DLGAP2: variants seen among roughly 807,000 people sequenced by gnomAD.
DLGAP2 encodes the protein DLG associated protein 2.
A neutral mutation model predicts 100.3 loss-of-function variants in DLGAP2; 26 were observed. The ratio of observed to expected loss-of-function variants is 0.26; its 90% CI spans 0.19 to 0.36. The LOEUF is 0.36. DLGAP2 is among the 10% of genes least tolerant of loss of function. DLGAP2 has a pLI of 1.00. For synonymous variants in DLGAP2, 886 were observed against 630.1 expected, an observed-to-expected ratio of 1.41 and a Z score of -6.08; for missense variants, 1,858 against 1,453.2, an observed-to-expected ratio of 1.28 and a Z score of -4.53.
chr8:799,120 T>G (rs1255859265), intron 1 of DLGAP2, among the ~76,000 whole-genome samples: 1 of 152,204 alleles, frequency 6.6e-6, no homozygotes, highest in Non-Finnish European at 1.5e-5. Flanking sequence ...TGACTTCTTT[T>G]GGATGAAGCC....
chr8:801,652 C>G (rs1796154082), intron 1 of DLGAP2, among the ~76,000 whole-genome samples: 1 of 152,150 alleles, frequency 6.6e-6, no homozygotes, highest in Non-Finnish European at 1.5e-5. Flanking sequence ...GAAACACCTG[C>G]TTCTCCTGTG....
chr8:1,091,658 G>T (rs549279187), intron 2 of DLGAP2, among the ~76,000 whole-genome samples: 1 of 152,110 alleles, frequency 6.6e-6, no homozygotes, highest in Non-Finnish European at 1.5e-5. Flanking sequence ...TCATGATGCC[G>T]GATGCTATGG....
intron 10 of DLGAP2, among the ~76,000 whole-genome samples, chr8:1,675,764 C>T (rs1283558942): frequency 1.3e-5 from 2 of 151,906 alleles, no homozygotes; most frequent in African/African-American, 2.4e-5. Flanking sequence ...GACTGAGTGC[C>T]TGGAATCATA....
intron 1 of DLGAP2, among the ~76,000 whole-genome samples, chr8:783,919 G>A (rs962325505): frequency 2.6e-5 from 4 of 152,186 alleles, no homozygotes; most frequent in Non-Finnish European, 5.9e-5. Flanking sequence ...GGATATCATA[G>A]CGTTATCGGC....
At chr8:1,592,486 CT>C (rs1796321999) in intron 6 of DLGAP2, among the ~76,000 whole-genome samples, 1 of 152,022 alleles carries the variant, frequency 6.6e-6, no homozygotes. Flanking sequence ...CATTTGCCCC[CT>C]GAAGCTCTGG....
At chr8:915,525 C>T (rs534435756) in intron 2 of DLGAP2, among the ~76,000 whole-genome samples, 51 of 148,700 alleles carry the variant, frequency 3.4e-4, no homozygotes, top group African/African-American at 1.1e-3. Context: ...CCAGCCTGGG[C>T]GACAGAGCAA....
chr8:772,825 C>G (rs1313691114), intron 1 of DLGAP2, among the ~76,000 whole-genome samples: 1 of 152,192 alleles, frequency 6.6e-6, no homozygotes, highest in Non-Finnish European at 1.5e-5. Flanking sequence ...CTGCAAATCA[C>G]TTCTTCCGCT....
intron 12 of DLGAP2, among the ~76,000 whole-genome samples, chr8:1,683,677 T>C (rs1035687342): frequency 2.0e-5 from 3 of 148,704 alleles, no homozygotes; most frequent in African/African-American, 7.5e-5. Context: ...GCGAACAGGA[T>C]GCCACACTCC....
At chr8:1,257,004 C>T (rs1353748627) in intron 2 of DLGAP2, among the ~76,000 whole-genome samples, 1 of 152,116 alleles carries the variant, frequency 6.6e-6, no homozygotes, top group Non-Finnish European at 1.5e-5. Flanking sequence ...CGTCCGATGG[C>T]TTCTACTTCA....
At chr8:1,302,243 G>A (rs1260039307) in intron 3 of DLGAP2, 2 of 148,780 alleles carry the variant, frequency 1.3e-5, no homozygotes, top group East Asian at 2.0e-4. Flanking sequence ...ACCTGGGACC[G>A]GACTCAGCAT....
chr8:1,701,444 T>G lies in DLGAP2; in HGVS notation c.*38T>G. On this transcript the variant is annotated 3_prime_UTR_variant, in exon 15 of 15. Transcript: ENST00000637795. The stretch of plus-strand genomic sequence containing the variant: ...GCGCCTTCCCCTCGTCGCTTCCGCT[T>G]TCCCGGACGCTTGTGCAGCGCGGCG... 6.5e-7 allele frequency: 1 copy of G among 1,542,194 alleles called. No individual in the cohort carries two copies. The highest frequency in any genetic ancestry group is 8.7e-7 in the Non-Finnish European group (1 of 1,143,906).
At chr8:779,366 C>G (rs768571568) in intron 1 of DLGAP2, among the ~76,000 whole-genome samples, 1 of 152,192 alleles carries the variant, frequency 6.6e-6, no homozygotes, top group African/African-American at 2.4e-5. Context: ...GGCTCCTCCC[C>G]TGTGAATCAC....
intron 2 of DLGAP2, among the ~76,000 whole-genome samples, chr8:1,097,378 C>T (rs1175266156): frequency 7.6e-6 from 1 of 131,326 alleles, no homozygotes; most frequent in African/African-American, 3.0e-5. Flanking sequence ...TAGAGTGGAG[C>T]TGGGAGCCCG....
intron 2 of DLGAP2, among the ~76,000 whole-genome samples, chr8:1,232,632 TG>T (rs1563268135): frequency 6.6e-6 from 1 of 152,264 alleles, no homozygotes; most frequent in Non-Finnish European, 1.5e-5. Context: ...ATCCACAAGA[TG>T]CTTTCATGTA....
At chr8:985,008 C>G (rs1276091174) in intron 2 of DLGAP2, among the ~76,000 whole-genome samples, 1 of 152,212 alleles carries the variant, frequency 6.6e-6, no homozygotes, top group Non-Finnish European at 1.5e-5. Context: ...TGAAATGTCT[C>G]AGGCATACTT....
chr8:1,232,821 CT>C (rs1265926618), intron 2 of DLGAP2, among the ~76,000 whole-genome samples: 28 of 152,280 alleles, frequency 1.8e-4, no homozygotes, highest in African/African-American at 6.5e-4. Context: ...CAAGGTTTAG[CT>C]TTTTGAAGTG....
chr8:1,603,673 G>T (rs1584981213), intron 6 of DLGAP2, among the ~76,000 whole-genome samples: 1 of 152,222 alleles, frequency 6.6e-6, no homozygotes, highest in Admixed American at 6.5e-5. Flanking sequence ...GGTTGTGCCA[G>T]CAAGGCCATG....
At chr8:1,557,129 C>T (rs1801992447) in intron 5 of DLGAP2, among the ~76,000 whole-genome samples, 1 of 152,158 alleles carries the variant, frequency 6.6e-6, no homozygotes, top group Non-Finnish European at 1.5e-5. Flanking sequence ...CTGCCGGAAG[C>T]ACCCCCATTT....
chr8:1,216,763 C>T (rs909816837), intron 2 of DLGAP2, among the ~76,000 whole-genome samples: 1 of 152,162 alleles, frequency 6.6e-6, no homozygotes, highest in Non-Finnish European at 1.5e-5. Flanking sequence ...TCTCTTCCCC[C>T]ACCAAAAATC....
Sources: gnomAD v4.1 joint callset for allele counts (sites outside exome capture counted in the v4.1 genomes callset) on GRCh38, gnomAD v4.1.1 for gene constraint, MANE v1.5 for transcripts, NCBI Gene and HGNC (gene_info 2026-07-23, HGNC 2026-07-21) for gene names.